Variants in LOXHD1 observed in about 807,000 individuals in gnomAD.
The protein encoded by LOXHD1 is lipoxygenase homology domain-containing protein 1.
LOXHD1 carries 205 observed loss-of-function variants against 248.2 expected under a neutral mutation model. That is an observed-to-expected ratio of 0.83 (90% confidence interval 0.74 to 0.93). LOXHD1 has a LOEUF of 0.93. Among genes scored for constraint, LOXHD1 ranks in the 40% least tolerant of loss-of-function variants. LOXHD1 has a pLI of 0.00. For synonymous variants in LOXHD1, 1,113 were observed against 1,162.8 expected, an observed-to-expected ratio of 0.96 and a Z score of 0.87; for missense variants, 2,930 against 2,971.6, an observed-to-expected ratio of 0.99 and a Z score of 0.33.
intron 4 of LOXHD1, among the ~76,000 whole-genome samples, chr18:46,636,116 T>A (rs2038889549): frequency 6.6e-6 from 1 of 152,198 alleles, no homozygotes; most frequent in Non-Finnish European, 1.5e-5. Context: ...CTGATCAGCT[T>A]CTGCCTCCTT....
intron 16 of LOXHD1, 76 bp downstream of exon 16, chr18:46,569,366 G>A (rs1487857351): frequency 1.6e-6 from 2 of 1,218,516 alleles, no homozygotes; most frequent in Non-Finnish European, 2.3e-6. Context: ...GTGGACATAT[G>A]TGTGTGTGGA....
At chr18:46,570,617 C>A (rs1337179052) in intron 15 of LOXHD1, among the ~76,000 whole-genome samples, 3 of 152,132 alleles carry the variant, frequency 2.0e-5, no homozygotes, top group Non-Finnish European at 4.4e-5. Flanking sequence ...GGAAGGAGAC[C>A]TCTTTCTTGT....
intron 13 of LOXHD1, among the ~76,000 whole-genome samples, chr18:46,579,239 C>G (rs2037915609): frequency 6.6e-6 from 1 of 152,216 alleles, no homozygotes; most frequent in South Asian, 2.1e-4. Context: ...CCGCCCACCC[C>G]TGAGGTAAGA....
intron 26 of LOXHD1, among the ~76,000 whole-genome samples, chr18:46,537,787 C>T (rs2036378502): frequency 6.6e-6 from 1 of 152,226 alleles, no homozygotes; most frequent in Admixed American, 6.5e-5. Context: ...TTCCACCTCT[C>T]CCTGGCTAGC....
At chr18:46,609,317 TG>T (rs1250802861) in intron 6 of LOXHD1, among the ~76,000 whole-genome samples, 3 of 152,146 alleles carry the variant, frequency 2.0e-5, no homozygotes, top group Non-Finnish European at 4.4e-5. Context: ...GCTGAAGAAA[TG>T]CAGGATGAGC....
chr18:46,524,917 C>T lies in LOXHD1; in HGVS notation c.4531G>A (p.Ala1511Thr), dbSNP rs535843847. The T allele has an allele frequency of 1.9e-6, 3 of 1,551,638 alleles. No individual in the cohort carries two copies. Among genetic ancestry groups the T allele is most frequent in the South Asian group, 1.2e-5 (1 of 84,062 alleles). Reference sequence around the variant, plus strand: ...GCGGCCTCGATGATGAAGGTGTCAGCCTGGGGAGCCCAGATGTGGGGACTC... The same window carrying T: ...GCGGCCTCGATGATGAAGGTGTCAGTCTGGGGAGCCCAGATGTGGGGACTC... ...NRTNKFERGT[A>T]DTFIIEAADL... The change falls in exon 30 of 41, where the codon GCT becomes ACT. Residue 1511 changes from alanine (A) to threonine (T), a missense_variant and splice_region_variant. Coordinates refer to ENST00000642948, the MANE Select transcript of LOXHD1 (RefSeq NM_001384474.1).
At chr18:46,655,276 C>T (rs979280996) in intron 1 of LOXHD1, among the ~76,000 whole-genome samples, 9 of 152,158 alleles carry the variant, frequency 5.9e-5, no homozygotes, top group African/African-American at 1.9e-4. Context: ...GGTGCTGATC[C>T]GCCTGCCTTG....
At chr18:46,518,961 A>G (rs117104749) in intron 33 of LOXHD1, 35,947 of 985,488 alleles carry the variant, frequency 0.036, 710 homozygotes, top group Non-Finnish European at 0.039. Flanking sequence ...GGGTTTTGCC[A>G]TTTAGCCTGA....
chr18:46,537,338 C>T (rs114840831), intron 26 of LOXHD1, among the ~76,000 whole-genome samples: 138 of 152,312 alleles, frequency 9.1e-4, no homozygotes, highest in African/African-American at 3.1e-3. Flanking sequence ...CATATTTACA[C>T]AGGGACAATT....
intron 37 of LOXHD1, among the ~76,000 whole-genome samples, chr18:46,501,482 C>T (rs892979688): frequency 1.3e-5 from 2 of 152,194 alleles, no homozygotes; most frequent in East Asian, 1.9e-4. Flanking sequence ...AAGGCTGTAA[C>T]GTGCCTTCCA....
chr18:46,573,290 G>A (rs1050335098), intron 14 of LOXHD1, among the ~76,000 whole-genome samples: 8 of 152,228 alleles, frequency 5.3e-5, no homozygotes, highest in African/African-American at 9.6e-5. Flanking sequence ...TCCACCAGGC[G>A]GAAAGGTATG....
chr18:46,485,235 G>T, intron 38 of LOXHD1, 84 bp from the exon 39 acceptor site: 1 of 1,480,656 alleles, frequency 6.8e-7, no homozygotes, highest in South Asian at 1.3e-5. Flanking sequence ...CACGGCCTCC[G>T]GTCCTTCATT....
At chr18:46,546,363 C>A (rs558265154) in intron 22 of LOXHD1, among the ~76,000 whole-genome samples, 1 of 151,146 alleles carries the variant, frequency 6.6e-6, no homozygotes, top group Non-Finnish European at 1.5e-5. Flanking sequence ...CATTCCATTC[C>A]AACCCATCCC....
chr18:46,581,750 T>C (rs1161509289), intron 12 of LOXHD1, among the ~76,000 whole-genome samples: 1 of 152,158 alleles, frequency 6.6e-6, no homozygotes, highest in Non-Finnish European at 1.5e-5. Flanking sequence ...CCTAGACATA[T>C]TATAGTCAAA....
intron 29 of LOXHD1, among the ~76,000 whole-genome samples, chr18:46,526,613 G>A (rs527611790): frequency 7.2e-5 from 11 of 152,372 alleles, no homozygotes; most frequent in Non-Finnish European, 1.3e-4. Context: ...GTGGGGGTAG[G>A]CCATGAAGGT....
intron 2 of LOXHD1, among the ~76,000 whole-genome samples, chr18:46,648,148 C>T (rs2039056385): frequency 6.6e-6 from 1 of 152,172 alleles, no homozygotes; most frequent in Non-Finnish European, 1.5e-5. Flanking sequence ...GTTCCAGCTA[C>T]TCCGGAGGCT....
chr18:46,571,921 C>T (rs1380632675), intron 15 of LOXHD1, among the ~76,000 whole-genome samples, 165 bp downstream of exon 15: 1 of 152,224 alleles, frequency 6.6e-6, no homozygotes, highest in African/African-American at 2.4e-5. Context: ...TGCAGGAGCA[C>T]AGGCAGGAAC....
rs2038941690 is a variant in LOXHD1, at chr18:46,639,871, C to A, written c.327-71G>T. The A allele has an allele frequency of 9.9e-6, 15 of 1,512,448 alleles. No individual in the cohort carries two copies. The South Asian group carries it at 1.6e-4, about 16-fold the overall frequency. The allele number at this position is 1,512,448 out of a possible 1,614,324, so 93.7% of individuals were successfully genotyped here. A position where few individuals can be genotyped will look rare whatever the true frequency, so the allele number is the denominator to read the frequency against. Reference sequence around the variant, plus strand: ...CAGCACCCCTTCCATACTGGAATACCCAGATGTTTACTCCAAAGAGAGGTC... The same window carrying A: ...CAGCACCCCTTCCATACTGGAATACACAGATGTTTACTCCAAAGAGAGGTC... On this transcript the variant is annotated intron_variant, in intron 3 of 40. Coordinates refer to ENST00000642948, the MANE Select transcript of LOXHD1 (RefSeq NM_001384474.1).
intron 12 of LOXHD1, among the ~76,000 whole-genome samples, chr18:46,587,496 G>T (rs1206236021): frequency 6.6e-6 from 1 of 152,148 alleles, no homozygotes; most frequent in Non-Finnish European, 1.5e-5. Flanking sequence ...GTTCTCAAGG[G>T]TCTTGATTCT....
Sources: gnomAD v4.1 joint callset for allele counts (sites outside exome capture counted in the v4.1 genomes callset) on GRCh38, gnomAD v4.1.1 for gene constraint, MANE v1.5 for transcripts, NCBI Gene and HGNC (gene_info 2026-07-23, HGNC 2026-07-21) for gene names.